The following USP32 variants were observed in gnomAD, a reference collection of about 807,000 sequenced individuals.
USP32 encodes the protein ubiquitin specific peptidase 32.
A neutral mutation model predicts 204.8 loss-of-function variants in USP32; 59 were observed. That is an observed-to-expected ratio of 0.29 (90% CI 0.23 to 0.36). The LOEUF is 0.36. USP32 is among the 10% of genes least tolerant of loss of function. USP32 has a pLI of 1.00. For missense variants in USP32, 1,160 were observed against 1,946.4 expected (o/e 0.60, Z 7.60); for synonymous variants, 517 against 678.4 (o/e 0.76, Z 3.70).
chr17:60,210,082 A>G (rs1344206434), intron 21 of USP32, among the ~76,000 whole-genome samples: 1 of 152,052 alleles, frequency 6.6e-6, no homozygotes, highest in Non-Finnish European at 1.5e-5. Context: ...AATTTTATTA[A>G]CTGCATTATA....
At chr17:60,276,859 G>A (rs1347725993) in intron 5 of USP32, among the ~76,000 whole-genome samples, 2 of 151,678 alleles carry the variant, frequency 1.3e-5, no homozygotes, top group African/African-American at 4.8e-5. Flanking sequence ...ACGTTTAAGT[G>A]TATGTGATCT....
chr17:60,243,577 A>G (rs1000436009), intron 11 of USP32, among the ~76,000 whole-genome samples: 59 of 152,332 alleles, frequency 3.9e-4, no homozygotes, highest in African/African-American at 1.4e-3. Context: ...ATTTATGTAC[A>G]CTGAAATGTG....
intron 1 of USP32, among the ~76,000 whole-genome samples, chr17:60,359,647 C>T (rs2089160012): frequency 6.6e-6 from 1 of 151,986 alleles, no homozygotes; most frequent in Non-Finnish European, 1.5e-5. Context: ...CCTGTCTCTA[C>T]AAAAAGCAAA....
At chr17:60,238,750 G>A (rs1275529564) in intron 11 of USP32, among the ~76,000 whole-genome samples, 1 of 150,676 alleles carries the variant, frequency 6.6e-6, no homozygotes, top group Non-Finnish European at 1.5e-5. Context: ...TTTGCAGTGA[G>A]TCGAGATCAT....
intron 1 of USP32, among the ~76,000 whole-genome samples, chr17:60,348,494 G>A (rs539576944): frequency 2.6e-5 from 4 of 152,182 alleles, no homozygotes; most frequent in African/African-American, 9.7e-5. Context: ...TAAAGACTAG[G>A]CCAGGTGCAG....
intron 11 of USP32, among the ~76,000 whole-genome samples, chr17:60,238,571 G>A (rs1181338069): frequency 6.6e-6 from 1 of 151,972 alleles, no homozygotes; most frequent in East Asian, 1.9e-4. Flanking sequence ...GGGAGACCGA[G>A]GCAGGCAGAT....
chr17:60,285,084 T>C (rs1179322296), intron 5 of USP32, among the ~76,000 whole-genome samples: 1 of 152,210 alleles, frequency 6.6e-6, no homozygotes, highest in African/African-American at 2.4e-5. Context: ...GAATAATTTT[T>C]TCTTTAACAC....
chr17:60,287,784 T>C (rs1459612890), intron 5 of USP32, among the ~76,000 whole-genome samples: 2 of 152,096 alleles, frequency 1.3e-5, no homozygotes, highest in Non-Finnish European at 2.9e-5. Flanking sequence ...CATTTCTTTT[T>C]ATTACATTTT....
At chr17:60,422,113 T>C (rs143300048) in intron 1 of USP32, 33 of 288,904 alleles carry the variant, frequency 1.1e-4, no homozygotes, top group African/African-American at 7.4e-4. Flanking sequence ...CCCTTTCAGC[T>C]CTCCCTAGAC....
At chr17:60,286,628 G>T (rs1283333999) in intron 5 of USP32, among the ~76,000 whole-genome samples, 3 of 152,192 alleles carry the variant, frequency 2.0e-5, no homozygotes, top group African/African-American at 7.2e-5. Flanking sequence ...CATCTATCTA[G>T]CCAGCCCTGA....
In USP32 at chr17:60,246,418, T is replaced by A. The variant is rs999469159; in HGVS notation, c.1136+5963A>T. Among the ~76,000 whole-genome samples the A allele has an allele frequency of 5.4e-4, 80 of 149,222 alleles. 1 individual carries two copies. The highest frequency in any genetic ancestry group is 1.2e-3 in the African/African-American group (49 of 40,114). ...GTGTGTGTATATATATATATATTTT[T>A]TTTTTTTCTTTATCCATTCATCAAC... On this transcript the variant is annotated intron_variant, in intron 11 of 33. Coordinates refer to ENST00000300896, the MANE Select transcript of USP32 (RefSeq NM_032582.4).
chr17:60,337,440 T>C (rs2088548586), intron 2 of USP32, among the ~76,000 whole-genome samples: 1 of 152,220 alleles, frequency 6.6e-6, no homozygotes, highest in African/African-American at 2.4e-5. Context: ...ATTGTTTTGG[T>C]CATTCTTTTA....
At chr17:60,302,453 C>T (rs1269973606) in intron 2 of USP32, among the ~76,000 whole-genome samples, 1 of 152,180 alleles carries the variant, frequency 6.6e-6, no homozygotes, top group Admixed American at 6.5e-5. Flanking sequence ...GGCCTGAGCA[C>T]ATTTAAAACA....
At chr17:60,279,336 A>G (rs1252331871) in intron 5 of USP32, among the ~76,000 whole-genome samples, 1 of 151,692 alleles carries the variant, frequency 6.6e-6, no homozygotes, top group Non-Finnish European at 1.5e-5. Context: ...ATTTTTAGAA[A>G]TTAGCCGGGT....
At chr17:60,228,018 G>C (rs948630014) in intron 12 of USP32, among the ~76,000 whole-genome samples, 1 of 151,858 alleles carries the variant, frequency 6.6e-6, no homozygotes, top group Non-Finnish European at 1.5e-5. Flanking sequence ...GTTCACCAAA[G>C]TAGTCAAAAT....
chr17:60,234,437 A>T lies in USP32; in HGVS notation c.1239+1701T>A, dbSNP rs536348198. Among the ~76,000 whole-genome samples, 279 of 147,636 alleles carry T rather than the reference A, an allele frequency of 1.9e-3. 1 individual carries two copies. The highest frequency in any genetic ancestry group is 5.1e-3 in the African/African-American group (206 of 40,538). ...TCAAGCATGACTAATTTAAAAAAAA[A>T]TTTTTTTGGACCGGGCGTGGTGGTT... On this transcript the variant is annotated intron_variant, in intron 12 of 33. Transcript: ENST00000300896.
chr17:60,349,410 T>C (rs2088865420), intron 1 of USP32, among the ~76,000 whole-genome samples: 1 of 148,482 alleles, frequency 6.7e-6, no homozygotes, highest in Non-Finnish European at 1.5e-5. Flanking sequence ...TGAAATCCCA[T>C]CTCTACTAAA....
intron 27 of USP32, among the ~76,000 whole-genome samples, chr17:60,195,498 C>T (rs1403668272): frequency 7.2e-5 from 11 of 152,120 alleles, no homozygotes; most frequent in Non-Finnish European, 1.3e-4. Flanking sequence ...CCACCATGCC[C>T]GGCTAATTTT....
intron 2 of USP32, among the ~76,000 whole-genome samples, chr17:60,310,894 G>A (rs2087836869): frequency 1.3e-5 from 2 of 152,058 alleles, no homozygotes; most frequent in South Asian, 4.1e-4. Context: ...AATAAGCCAA[G>A]CACAGAGAGA....
Sources: gnomAD v4.1 joint callset for allele counts (sites outside exome capture counted in the v4.1 genomes callset) on GRCh38, gnomAD v4.1.1 for gene constraint, MANE v1.5 for transcripts, NCBI Gene and HGNC (gene_info 2026-07-23, HGNC 2026-07-21) for gene names.